Variants in PRKCE observed in about 807,000 individuals in gnomAD.
The protein encoded by PRKCE is protein kinase C epsilon type.
Under a neutral mutation model 85.4 loss-of-function variants are expected in PRKCE, and 16 were observed. The ratio of observed to expected loss-of-function variants is 0.19; its 90% CI spans 0.13 to 0.28. The LOEUF (loss-of-function observed/expected upper bound fraction) is 0.28, where lower values mean the gene tolerates loss of function less well. Ranked by LOEUF, PRKCE falls within the 10% of genes least tolerant of loss-of-function variation. The pLI is 1.00. For missense variants in PRKCE, 573 were observed against 975.2 expected (o/e 0.59, Z 5.49); for synonymous variants, 388 against 371.5 (o/e 1.04, Z -0.51).
intron 2 of PRKCE, among the ~76,000 whole-genome samples, chr2:45,964,269 C>T (rs144330526): frequency 2.6e-5 from 4 of 152,314 alleles, no homozygotes; most frequent in Admixed American, 6.5e-5. Flanking sequence ...TCCACAGGCC[C>T]GTTTTAATAC....
chr2:45,677,806 G>C, intron 1 of PRKCE: 1 of 982,794 alleles, frequency 1.0e-6, no homozygotes, highest in Non-Finnish European at 1.2e-6. Flanking sequence ...AATTGCTTTA[G>C]ATCGTTGTGG....
intron 2 of PRKCE, among the ~76,000 whole-genome samples, chr2:45,974,749 G>C (rs1199947109): frequency 1.3e-5 from 2 of 152,182 alleles, no homozygotes; most frequent in African/African-American, 4.8e-5. Context: ...AGGGATCAAT[G>C]CTTCTTCCCC....
intron 1 of PRKCE, chr2:45,675,934 T>C (rs1429877921): frequency 6.6e-6 from 1 of 152,122 alleles, no homozygotes; most frequent in Non-Finnish European, 1.5e-5. Context: ...CTCCCCTTTT[T>C]CAATAGTTGC....
chr2:45,921,882 G>C (rs1272589496), intron 2 of PRKCE, among the ~76,000 whole-genome samples: 2 of 152,166 alleles, frequency 1.3e-5, no homozygotes, highest in Non-Finnish European at 2.9e-5. Context: ...AATGGAGGCA[G>C]TCAACTGATT....
intron 2 of PRKCE, among the ~76,000 whole-genome samples, chr2:45,921,013 A>G (rs1698210352): frequency 1.3e-5 from 2 of 152,224 alleles, no homozygotes; most frequent in South Asian, 4.1e-4. Flanking sequence ...CGGTGAGCTG[A>G]AGCCATCAGA....
intron 2 of PRKCE, among the ~76,000 whole-genome samples, chr2:45,900,588 G>A (rs1188184668): frequency 1.3e-5 from 2 of 152,218 alleles, no homozygotes; most frequent in African/African-American, 2.4e-5. Flanking sequence ...TAGAAAGTAG[G>A]ATGGTGGTTG....
intron 2 of PRKCE, among the ~76,000 whole-genome samples, chr2:45,868,234 T>G (rs1693772045): frequency 7.2e-6 from 1 of 139,412 alleles, no homozygotes; most frequent in Non-Finnish European, 1.6e-5. Context: ...TTTTTTTTTT[T>G]TTGTTCTCCA....
intron 1 of PRKCE, among the ~76,000 whole-genome samples, chr2:45,737,729 C>T (rs1002033703): frequency 6.6e-6 from 1 of 152,158 alleles, no homozygotes; most frequent in Non-Finnish European, 1.5e-5. Flanking sequence ...GGTGTGCTCT[C>T]CTTGCTCTGT....
At chr2:45,890,965 A>G (rs1028476769) in intron 2 of PRKCE, among the ~76,000 whole-genome samples, 4 of 152,210 alleles carry the variant, frequency 2.6e-5, no homozygotes, top group Non-Finnish European at 5.9e-5. Flanking sequence ...AACATAAGTT[A>G]GGTGCTCAAT....
At chr2:45,821,103 G>T (rs374110937) in intron 1 of PRKCE, among the ~76,000 whole-genome samples, 1 of 152,104 alleles carries the variant, frequency 6.6e-6, no homozygotes, top group Middle Eastern at 3.2e-3. Flanking sequence ...AGGCTAGTCT[G>T]GGATAATTCA....
chr2:45,781,140 C>A (rs1056497986), intron 1 of PRKCE, among the ~76,000 whole-genome samples: 1 of 151,746 alleles, frequency 6.6e-6, no homozygotes, highest in Non-Finnish European at 1.5e-5. Flanking sequence ...CAAGACCAGC[C>A]TGGGCAACAT....
At chr2:45,919,188 G>T (rs1698063909) in intron 2 of PRKCE, among the ~76,000 whole-genome samples, 1 of 152,254 alleles carries the variant, frequency 6.6e-6, no homozygotes, top group Non-Finnish European at 1.5e-5. Flanking sequence ...GAGGGGAAAA[G>T]AGCTGATGAA....
chr2:45,860,334 G>A (rs1260490385), intron 2 of PRKCE, among the ~76,000 whole-genome samples: 3 of 152,214 alleles, frequency 2.0e-5, no homozygotes, highest in South Asian at 2.1e-4. Context: ...ATAGTGTACT[G>A]ATCCATGTAA....
At chr2:46,033,249 TGA>T (rs1218874021) in intron 10 of PRKCE, among the ~76,000 whole-genome samples, 1 of 152,208 alleles carries the variant, frequency 6.6e-6, no homozygotes, top group Non-Finnish European at 1.5e-5. Context: ...CATCATTTGG[TGA>T]GAGAGGTCTG....
intron 10 of PRKCE, among the ~76,000 whole-genome samples, chr2:46,027,586 A>C (rs1469387527): frequency 1.3e-5 from 2 of 152,214 alleles, no homozygotes; most frequent in Non-Finnish European, 2.9e-5. Context: ...GGGAAGGGGA[A>C]CAAGAACATG....
chr2:46,168,988 A>C (rs757173487), intron 14 of PRKCE, among the ~76,000 whole-genome samples: 77 of 152,154 alleles, frequency 5.1e-4, no homozygotes, highest in Admixed American at 2.0e-3. Context: ...GTTCGTGTGT[A>C]TTGAAGTGAA....
chr2:45,936,384 CAG>C (rs1699456679), intron 2 of PRKCE, among the ~76,000 whole-genome samples: 1 of 152,204 alleles, frequency 6.6e-6, no homozygotes, highest in Admixed American at 6.5e-5. Flanking sequence ...ACCTTTGGGC[CAG>C]CACCCACGTG....
intron 10 of PRKCE, among the ~76,000 whole-genome samples, chr2:46,049,916 C>G (rs1708750253): frequency 6.6e-6 from 1 of 152,236 alleles, no homozygotes; most frequent in African/African-American, 2.4e-5. Context: ...AAATCCAACA[C>G]AGTACTGGTC....
intron 2 of PRKCE, among the ~76,000 whole-genome samples, chr2:45,880,800 G>A (rs996926991): frequency 8.5e-5 from 13 of 152,112 alleles, no homozygotes; most frequent in African/African-American, 2.7e-4. Context: ...TGTCACTTTC[G>A]TTATCATAGA....
Sources: gnomAD v4.1 joint callset for allele counts (sites outside exome capture counted in the v4.1 genomes callset) on GRCh38, gnomAD v4.1.1 for gene constraint, MANE v1.5 for transcripts, NCBI Gene and HGNC (gene_info 2026-07-23, HGNC 2026-07-21) for gene names.